The following SGCD variants were observed in gnomAD, a reference collection of about 807,000 sequenced individuals.
SGCD encodes the protein delta-sarcoglycan.
In SGCD, 18 loss-of-function variants were observed where a neutral mutation model predicts 36.6. That is an observed-to-expected ratio of 0.49 (90% confidence interval 0.34 to 0.73). The LOEUF (loss-of-function observed/expected upper bound fraction) is 0.73, where lower values mean the gene tolerates loss of function less well. SGCD is among the 30% of genes least tolerant of loss of function. The pLI is 0.01. For synonymous variants in SGCD, 133 were observed against 130.6 expected (o/e 1.02, Z -0.12); for missense variants, 387 against 346.7 (o/e 1.12, Z -0.92).
chr5:156,757,442 C>A, intron 7 of SGCD, 139 bp from the exon 8 acceptor site: 1 of 590,330 alleles, frequency 1.7e-6, no homozygotes, highest in Non-Finnish European at 3.0e-6. Context: ...ATAAACTTGA[C>A]CAGGTTGTAA....
At chr5:155,891,943 G>A (rs149480160) in intron 1 of SGCD, among the ~76,000 whole-genome samples, 39 of 152,150 alleles carry the variant, frequency 2.6e-4, no homozygotes, top group African/African-American at 8.4e-4. Context: ...CTGTGAAAAC[G>A]GAGAATACAA....
chr5:155,949,409 T>C (rs1277903062), intron 1 of SGCD, among the ~76,000 whole-genome samples: 2 of 152,224 alleles, frequency 1.3e-5, no homozygotes, highest in Non-Finnish European at 2.9e-5. Flanking sequence ...ATTAAATTAT[T>C]TAATTCTTGG....
At chr5:156,429,758 A>G (rs1012691366) in intron 3 of SGCD, among the ~76,000 whole-genome samples, 1 of 152,068 alleles carries the variant, frequency 6.6e-6, no homozygotes, top group Admixed American at 6.6e-5. Flanking sequence ...AAAAGAATTT[A>G]TTTCTCCTTC....
At chr5:155,864,563 G>T in the SGCD span, among the ~76,000 whole-genome samples, 1 of 152,188 alleles carries the variant, frequency 6.6e-6, no homozygotes, top group African/African-American at 2.4e-5. Context: ...AACTGAAAAT[G>T]ATTCTATATT....
At chr5:156,194,712 G>A (rs886694732) in intron 3 of SGCD, among the ~76,000 whole-genome samples, 2 of 151,912 alleles carry the variant, frequency 1.3e-5, no homozygotes, top group Admixed American at 6.6e-5. Flanking sequence ...ATATGATATA[G>A]TACTGTAATA....
rs146269695 is a variant in SGCD at position 156,133,086 on chromosome 5, A to C, written c.-44+9067A>C. ...ACACTTACCTTCTCTTTTGGATCTC[A>C]ATTTCCTCGAATGTAAAATGAGTGT... On this transcript the variant is annotated intron_variant, in intron 3 of 9. Transcript: ENST00000517913. 1.0e-3 allele frequency among the ~76,000 whole-genome samples: 158 copies of C among 152,264 alleles called. 2 individuals are homozygous for C. The highest frequency in any genetic ancestry group is 3.6e-3 in the African/African-American group (150 of 41,558).
At chr5:156,213,394 ACAACCTAC>A (rs1764497356) in intron 3 of SGCD, among the ~76,000 whole-genome samples, 1 of 152,054 alleles carries the variant, frequency 6.6e-6, no homozygotes, top group African/African-American at 2.4e-5. Context: ...CAAGAAACAT[ACAACCTAC>A]CATGACCAAA....
At position 156,177,601 on chromosome 5, in the gene SGCD, A is replaced by C. The variant is rs188823854; in HGVS notation, c.-44+53582A>C. On this transcript the variant is annotated intron_variant, in intron 3 of 9. Transcript: ENST00000517913. ...TTAAGGGATAATTTATATACAATGT[A>C]CTGCATCTATTTAAAGTGTACAATT... Among the ~76,000 whole-genome samples the C allele has an allele frequency of 2.0e-3, 304 of 152,272 alleles. 2 individuals are homozygous for C. Among genetic ancestry groups the C allele is most frequent in the Non-Finnish European group, 3.7e-3 (252 of 68,020 alleles).
chr5:156,601,979 C>A (rs985039172), intron 6 of SGCD, among the ~76,000 whole-genome samples: 1 of 152,146 alleles, frequency 6.6e-6, no homozygotes, highest in African/African-American at 2.4e-5. Flanking sequence ...CTGAGCCTGG[C>A]CGTGTCATTG....
At chr5:156,465,784 G>A (rs150401456) in intron 3 of SGCD, among the ~76,000 whole-genome samples, 91 of 152,288 alleles carry the variant, frequency 6.0e-4, no homozygotes, top group African/African-American at 2.1e-3. Flanking sequence ...AGGGAAGTTG[G>A]ATAGAGATTT....
intron 1 of SGCD, among the ~76,000 whole-genome samples, chr5:156,075,723 T>C (rs1041732618): frequency 6.6e-6 from 1 of 152,178 alleles, no homozygotes; most frequent in African/African-American, 2.4e-5. Flanking sequence ...ACGATAGGTA[T>C]TCTGGTGATG....
intron 3 of SGCD, among the ~76,000 whole-genome samples, chr5:156,190,215 A>C (rs1340172833): frequency 6.6e-6 from 1 of 152,296 alleles, no homozygotes; most frequent in Admixed American, 6.5e-5. Context: ...CTATAAGTCC[A>C]TACTCAGGCT....
chr5:156,596,295 C>T (rs1015626473), intron 6 of SGCD, among the ~76,000 whole-genome samples: 12 of 152,118 alleles, frequency 7.9e-5, no homozygotes, highest in Non-Finnish European at 1.8e-4. Flanking sequence ...CTAGAATTAG[C>T]CTGTTTTTAA....
chr5:156,036,504 C>T (rs778207277), intron 1 of SGCD, among the ~76,000 whole-genome samples: 3 of 152,166 alleles, frequency 2.0e-5, no homozygotes, highest in African/African-American at 4.8e-5. Flanking sequence ...AAGCACTAGG[C>T]ATTTTCCATC....
chr5:156,419,541 C>T (rs142000679), intron 3 of SGCD, among the ~76,000 whole-genome samples: 24 of 152,256 alleles, frequency 1.6e-4, no homozygotes, highest in African/African-American at 5.3e-4. Flanking sequence ...CAGAATGACA[C>T]CTAGCTGCTC....
At chr5:155,810,492 ATATT>A in the SGCD span, among the ~76,000 whole-genome samples, 6,754 of 152,092 alleles carry the variant, frequency 0.044, 315 homozygotes, top group African/African-American at 0.11. Flanking sequence ...TACAGTTACC[ATATT>A]TATTTATTTA....
At chr5:156,109,471 T>G (rs1007296930) in intron 1 of SGCD, among the ~76,000 whole-genome samples, 6 of 152,168 alleles carry the variant, frequency 3.9e-5, no homozygotes, top group African/African-American at 1.4e-4. Flanking sequence ...ATGTTTAAAC[T>G]CCTTAATGTA....
intron 3 of SGCD, among the ~76,000 whole-genome samples, chr5:156,496,344 G>T (rs1381965635): frequency 1.3e-5 from 2 of 152,032 alleles, no homozygotes; most frequent in East Asian, 3.9e-4. Flanking sequence ...CATCCCTTAA[G>T]GATGATCTTT....
intron 1 of SGCD, among the ~76,000 whole-genome samples, chr5:156,019,992 G>A (rs766734240): frequency 6.6e-6 from 1 of 152,130 alleles, no homozygotes; most frequent in Non-Finnish European, 1.5e-5. Flanking sequence ...CCCTGGGCAT[G>A]TCCACACGTT....
Sources: gnomAD v4.1 joint callset for allele counts (sites outside exome capture counted in the v4.1 genomes callset) on GRCh38, gnomAD v4.1.1 for gene constraint, MANE v1.5 for transcripts, NCBI Gene and HGNC (gene_info 2026-07-23, HGNC 2026-07-21) for gene names.